ZNF471: variants seen among roughly 807,000 people sequenced by gnomAD.
The protein encoded by ZNF471 is zinc finger protein 471.
A neutral mutation model predicts 13.7 loss-of-function variants in ZNF471; 7 were observed. The observed-to-expected ratio is 0.51, with a 90% CI of 0.29 to 0.96. The LOEUF is 0.96. Ranked by LOEUF, ZNF471 falls within the 40% of genes least tolerant of loss-of-function variation. The pLI is 0.08. For synonymous variants in ZNF471, 218 were observed against 235.6 expected, an observed-to-expected ratio of 0.93 and a Z score of 0.68; for missense variants, 663 against 743.3, an observed-to-expected ratio of 0.89 and a Z score of 1.26.
At chr19:56,517,439 A>C (rs1043001432) in intron 3 of ZNF471, among the ~76,000 whole-genome samples, 1 of 151,362 alleles carries the variant, frequency 6.6e-6, no homozygotes, top group Admixed American at 6.6e-5. Context: ...AGTAGCTGGG[A>C]CTACAGGTGC....
At position 56,525,108 on chromosome 19, in the gene ZNF471, A is replaced by G. The variant is rs1203186010; in HGVS notation, c.1041A>G (p.Glu347=). Residue 347 remains glutamate, a synonymous_variant, in exon 5 of 5, where the codon GAA becomes GAG. Transcript: ENST00000308031. ...QRCHTGKRPY[E]CIECGKAFRY... is the part of the protein sequence containing the mutation. Reference sequence around the variant, plus strand: ...GTCACACTGGCAAAAGACCCTATGAATGTATTGAGTGTGGGAAGGCTTTTA... The same window carrying G: ...GTCACACTGGCAAAAGACCCTATGAGTGTATTGAGTGTGGGAAGGCTTTTA... 2 of 1,614,116 alleles carry G rather than the reference A, an allele frequency of 1.2e-6. No individual in the cohort carries two copies. The highest frequency in any genetic ancestry group is 1.7e-6 in the Non-Finnish European group (2 of 1,180,010).
chr19:56,508,462 CGT>C lies in ZNF471; in HGVS notation c.-56+546_-56+547del, dbSNP rs766090771. On this transcript the variant is annotated intron_variant, in intron 1 of 4. Transcript: ENST00000308031. This position sits in a 1 kb window ranked among gnomAD's most constrained non-coding sequence, Gnocchi z 4.7. ...CCAGAGCGTGAGACCAGGATGTATT[CGT>C]GTGAGAGAGTGAGACGGGCTGGATG... Among the ~76,000 whole-genome samples, 4 of 151,008 alleles carry C rather than the reference CGT, an allele frequency of 2.6e-5. No individual in the cohort carries two copies. Among genetic ancestry groups the C allele is most frequent in the Non-Finnish European group, 5.9e-5 (4 of 67,802 alleles).
At position 56,521,638 on chromosome 19, in the gene ZNF471, C is replaced by CAAA. The variant is rs372849279; in HGVS notation, c.257-2667_257-2665dup. 8.2e-3 allele frequency among the ~76,000 whole-genome samples: 668 copies of CAAA among 81,866 alleles called. 14 individuals are homozygous for CAAA. The highest frequency in any genetic ancestry group is 0.026 in the African/African-American group (551 of 21,014). 53.7% of individuals were successfully genotyped at this position (81,866 alleles called of 152,430 possible). On this transcript the variant is annotated intron_variant, in intron 4 of 4. Transcript: ENST00000308031. ...CGGGCAACAGAGCAAGACTCTGTCT[C>CAAA]AAAAAAAAAAAAAAAAAAAAACTCT...
At position 56,508,227 on chromosome 19, in the gene ZNF471, TTCTGTG is replaced by T; in HGVS notation, c.-56+309_-56+314del. 3 of 785,262 alleles carry T rather than the reference TTCTGTG, an allele frequency of 3.8e-6. No homozygotes were observed. Among genetic ancestry groups the T allele is most frequent in the Non-Finnish European group, 4.4e-6 (3 of 679,168 alleles). 48.6% of individuals were successfully genotyped at this position (785,262 alleles called of 1,614,324 possible). The stretch of plus-strand genomic sequence containing the variant: ...GTGAGGCTCCGTGAGAGGGTGTGGT[TTCTGTG>T]TGTGTGTGTGTGTGTGTGTGACAGA... On this transcript the variant is annotated intron_variant, in intron 1 of 4. Coordinates refer to ENST00000308031, the MANE Select transcript of ZNF471 (RefSeq NM_020813.4). This position sits in a 1 kb window ranked among gnomAD's most constrained non-coding sequence, Gnocchi z 4.7.
At chr19:56,511,090 CT>C (rs1041719333) in intron 1 of ZNF471, 1 of 845,578 alleles carries the variant, frequency 1.2e-6, no homozygotes, top group Admixed American at 7.2e-5. Context: ...TTTCCTTTTT[CT>C]TTTGTTTTTT....
intron 4 of ZNF471, among the ~76,000 whole-genome samples, chr19:56,520,418 C>T (rs903498174): frequency 3.9e-5 from 6 of 152,200 alleles, no homozygotes; most frequent in African/African-American, 1.4e-4. Flanking sequence ...AGATGATGGA[C>T]TCAGCATTCT....
At chr19:56,514,840 C>T (rs932258669) in intron 2 of ZNF471, among the ~76,000 whole-genome samples, 2 of 152,130 alleles carry the variant, frequency 1.3e-5, no homozygotes, top group African/African-American at 4.8e-5. Flanking sequence ...TTATGTTCTA[C>T]CTCCTTAAGG....
chr19:56,521,880 G>A (rs995341710), intron 4 of ZNF471, among the ~76,000 whole-genome samples: 10 of 152,172 alleles, frequency 6.6e-5, no homozygotes, highest in Non-Finnish European at 1.3e-4. Context: ...CCAGGAGTTT[G>A]AGGATGCAGT....
intron 2 of ZNF471, among the ~76,000 whole-genome samples, chr19:56,514,209 G>C (rs560176850): frequency 6.6e-6 from 1 of 151,924 alleles, no homozygotes; most frequent in Non-Finnish European, 1.5e-5. Flanking sequence ...TTATAGGCAT[G>C]CACCACCATG....
At position 56,525,138 on chromosome 19, in the gene ZNF471, T is replaced by C; in HGVS notation, c.1071T>C (p.Tyr357=). ...ECIECGKAFR[Y]NTSFIRHWRS... ...TTGAGTGTGGGAAGGCTTTTAGGTA[T>C]AACACATCTTTTATTCGTCACTGGA... The change falls in exon 5 of 5, where the codon TAT becomes TAC. Residue 357 remains tyrosine (Y), a synonymous_variant. Coordinates refer to ENST00000308031, the MANE Select transcript of ZNF471 (RefSeq NM_020813.4). 1 of 1,614,164 alleles carries C rather than the reference T, an allele frequency of 6.2e-7. No homozygotes were observed. Among genetic ancestry groups the C allele is most frequent in the Non-Finnish European group, 8.5e-7 (1 of 1,180,018 alleles).
chr19:56,513,382 G>A (rs1348532649), intron 2 of ZNF471, among the ~76,000 whole-genome samples: 2 of 152,156 alleles, frequency 1.3e-5, no homozygotes, highest in East Asian at 3.8e-4. Context: ...GTAGCTTGGT[G>A]TCTTTCATCA....
rs375130699 is a variant in ZNF471, at chr19:56,525,429, T to C, written c.1362T>C (p.Ser454=). ...TCACTCAGCATCAAAGAGTACATTC[T>C]GGAGAGAAACCGTATGAATGCAAGG... ...ASLTQHQRVH[S]GEKPYECKEC... is the part of the protein sequence containing the mutation. Residue 454 remains serine (S), a synonymous_variant, in exon 5 of 5, where the codon TCT becomes TCC. Transcript: ENST00000308031. 1.1e-4 allele frequency: 182 copies of C among 1,614,000 alleles called. No individual in the cohort carries two copies. Among genetic ancestry groups the C allele is most frequent in the Non-Finnish European group, 1.4e-4 (165 of 1,180,026 alleles).
intron 1 of ZNF471, chr19:56,511,050 C>G: frequency 3.1e-6 from 3 of 982,908 alleles, no homozygotes; most frequent in Non-Finnish European, 3.6e-6. Flanking sequence ...GAGGATAACC[C>G]TGGCCTCTGG....
chr19:56,510,621 T>C lies in ZNF471; in HGVS notation c.-55-896T>C, dbSNP rs990632357. 1.0e-5 allele frequency: 10 copies of C among 985,636 alleles called. No individual in the cohort carries two copies. The highest frequency in any genetic ancestry group is 1.1e-5 in the Non-Finnish European group (9 of 830,070). 61.1% of individuals were successfully genotyped at this position (985,636 alleles called of 1,614,324 possible). A position where few individuals can be genotyped will look rare whatever the true frequency, so the allele number is the denominator to read the frequency against. The stretch of plus-strand genomic sequence containing the variant: ...TTGTTTTGGGGTGCTTGTGATTGTG[T>C]CCTCCGTGTGACCATGAAACCTGTG... On this transcript the variant is annotated intron_variant, in intron 1 of 4. Coordinates refer to ENST00000308031, the MANE Select transcript of ZNF471 (RefSeq NM_020813.4). The surrounding 1 kb of genome is among the most constrained non-coding windows in gnomAD (Gnocchi z 4.3).
At chr19:56,509,602 C>T (rs2043781380) in intron 1 of ZNF471, among the ~76,000 whole-genome samples, 1 of 151,764 alleles carries the variant, frequency 6.6e-6, no homozygotes, top group Non-Finnish European at 1.5e-5. Context: ...TATGCTGTCT[C>T]CAGGTAGATA....
In ZNF471 at chr19:56,524,314, T is replaced by A; in HGVS notation, c.257-10T>A. Reference sequence around the variant, plus strand: ...AAAGGGAACATTCACTTTTTTTTAATATCTTTCAGATTGGGAATCTATATA... The same window carrying A: ...AAAGGGAACATTCACTTTTTTTTAAAATCTTTCAGATTGGGAATCTATATA... On this transcript the variant is annotated splice_polypyrimidine_tract_variant and intron_variant, in intron 4 of 4. Coordinates refer to ENST00000308031, the MANE Select transcript of ZNF471 (RefSeq NM_020813.4). This position sits in a 1 kb window ranked among gnomAD's most constrained non-coding sequence, Gnocchi z 4.8. 1 of 1,496,626 alleles carries A rather than the reference T, an allele frequency of 6.7e-7. No individual in the cohort carries two copies. Among genetic ancestry groups the A allele is most frequent in the Non-Finnish European group, 8.9e-7 (1 of 1,122,608 alleles). The allele number at this position is 1,496,626 out of a possible 1,614,324, so 92.7% of individuals were successfully genotyped here.
chr19:56,511,412 T>C lies in ZNF471; in HGVS notation c.-55-105T>C. The C allele has an allele frequency of 6.8e-6, 6 of 878,582 alleles. No homozygotes were observed. In the South Asian group the frequency reaches 1.1e-4, roughly 17 times the overall value. The allele number at this position is 878,582 out of a possible 1,614,324, so 54.4% of individuals were successfully genotyped here. ...TGGCCATAGGTTGCTCATACCCAGT[T>C]ATGGGATCAACCAAAGCTGGGAAGA... On this transcript the variant is annotated intron_variant, in intron 1 of 4. Coordinates refer to ENST00000308031, the MANE Select transcript of ZNF471 (RefSeq NM_020813.4).
In ZNF471 at chr19:56,507,863, A is replaced by G. The variant is rs1257514178; in HGVS notation, c.-113A>G. The G allele has an allele frequency of 2.0e-6, 2 of 985,484 alleles. No homozygotes were observed. The highest frequency in any genetic ancestry group is 1.7e-5 in the African/African-American group (1 of 57,240). 61.0% of individuals were successfully genotyped at this position (985,484 alleles called of 1,614,324 possible). On this transcript the variant is annotated 5_prime_UTR_variant, in exon 1 of 5. Transcript: ENST00000308031. ...TGGCGCCTGCGCGATGGGGGGTTCC[A>G]GCGTCGACTCACGGAGTCCTTCGGA...
In ZNF471 at chr19:56,525,546, A is replaced by G. The variant is rs2044035078; in HGVS notation, c.1479A>G (p.Gly493=). Residue 493 remains glycine (G), a synonymous_variant, in exon 5 of 5, where the codon GGA becomes GGG. Coordinates refer to ENST00000308031, the MANE Select transcript of ZNF471 (RefSeq NM_020813.4). ...AACCCTATGAATGTAAAGAATGTGGAAAAGCTTTTAGAATCAGTTCACAGC... is the reference window on the plus strand; with the variant it reads ...AACCCTATGAATGTAAAGAATGTGGGAAAGCTTTTAGAATCAGTTCACAGC... ...GEKPYECKEC[G]KAFRISSQLA... 1 of 1,613,984 alleles carries G rather than the reference A, an allele frequency of 6.2e-7. No homozygotes were observed. Among genetic ancestry groups the G allele is most frequent in the South Asian group, 1.1e-5 (1 of 91,078 alleles).
Sources: allele counts gnomAD v4.1 joint callset (sites outside exome capture counted in the v4.1 genomes callset), GRCh38; gene constraint gnomAD v4.1.1; non-coding constraint Gnocchi (gnomAD v3.1); transcripts MANE v1.5; gene names NCBI Gene and HGNC (gene_info 2026-07-23, HGNC 2026-07-21).